UTP18: variants seen among roughly 807,000 people sequenced by gnomAD.
The protein encoded by UTP18 is UTP18 small subunit processome component, also known as U3 small nucleolar RNA-associated protein 18 homolog.
A neutral mutation model predicts 61.1 loss-of-function variants in UTP18; 36 were observed. That is an observed-to-expected ratio of 0.59 (90% CI 0.45 to 0.78). The LOEUF is 0.78. Ranked by LOEUF, UTP18 falls within the 30% of genes least tolerant of loss-of-function variation. UTP18 has a pLI of 0.00. For missense variants in UTP18, 753 were observed against 693.9 expected (o/e 1.09, Z -0.96); for synonymous variants, 282 against 251.1 (o/e 1.12, Z -1.16).
intron 1 of UTP18, among the ~76,000 whole-genome samples, chr17:51,262,133 G>C (rs1196050236): frequency 6.6e-6 from 1 of 151,698 alleles, no homozygotes; most frequent in Non-Finnish European, 1.5e-5. Flanking sequence ...CCAGGCTGGA[G>C]TGCAGTGGCG....
chr17:51,293,282 TTAA>T (rs1396646738), intron 11 of UTP18, among the ~76,000 whole-genome samples: 2 of 152,190 alleles, frequency 1.3e-5, no homozygotes, highest in Non-Finnish European at 2.9e-5. Flanking sequence ...TTCTGCTCAG[TTAA>T]TAACACATTA....
intron 11 of UTP18, 34 bp from the exon 12 acceptor site, chr17:51,293,869 G>C (rs12940196): frequency 0.45 from 656,153 of 1,469,484 alleles, 151,604 homozygotes; most frequent in East Asian, 0.6. Flanking sequence ...GCTCCCAGTT[G>C]TTACACTTTA....
intron 5 of UTP18, 47 bp from the exon 6 acceptor site, chr17:51,275,819 T>C: frequency 1.3e-6 from 2 of 1,515,024 alleles, no homozygotes; most frequent in South Asian, 1.3e-5. Flanking sequence ...AAGAAAATAA[T>C]GTTTATTCAT....
chr17:51,280,295 C>A, intron 8 of UTP18, 94 bp from the exon 9 acceptor site: 1 of 1,421,874 alleles, frequency 7.0e-7, no homozygotes, highest in Non-Finnish European at 9.6e-7. Flanking sequence ...TGAGTAGGTG[C>A]TAGAAAATAG....
At chr17:51,278,755 A>G (rs1278875502) in intron 7 of UTP18, among the ~76,000 whole-genome samples, 1 of 152,248 alleles carries the variant, frequency 6.6e-6, no homozygotes, top group Admixed American at 6.5e-5. Context: ...CTACTTCAGT[A>G]TACTTTAGTC....
intron 10 of UTP18, among the ~76,000 whole-genome samples, chr17:51,287,481 G>T (rs564435571): frequency 4.9e-4 from 75 of 152,300 alleles, no homozygotes; most frequent in African/African-American, 1.8e-3. Context: ...AGAAGATGGG[G>T]AGTGGGAGAG....
intron 3 of UTP18, among the ~76,000 whole-genome samples, chr17:51,268,262 G>A (rs1198398543): frequency 2.0e-5 from 3 of 152,066 alleles, no homozygotes; most frequent in Non-Finnish European, 4.4e-5. Context: ...TCCTGACCTC[G>A]TGATCCGCCC....
chr17:51,287,831 G>C (rs1255578174), intron 10 of UTP18, among the ~76,000 whole-genome samples, 198 bp from the exon 11 acceptor site: 1 of 152,154 alleles, frequency 6.6e-6, no homozygotes, highest in East Asian at 1.9e-4. Context: ...TCAACAGAAG[G>C]GGGAGAATTT....
At position 51,280,365 on chromosome 17, in the gene UTP18, GATAA is replaced by G. The variant is rs1305575540; in HGVS notation, c.1114-19_1114-16del. ...TCTTCTGTATACTTTCTAACAGTTT[GATAA>G]ATAATATTTATTGTTTTAGACCAAA... is the stretch of plus-strand genomic sequence containing the variant. On this transcript the variant is annotated intron_variant, in intron 8 of 13. Coordinates refer to ENST00000225298, the MANE Select transcript of UTP18 (RefSeq NM_016001.3). The G allele has an allele frequency of 6.2e-7, 1 of 1,605,628 alleles. No individual in the cohort carries two copies. Among genetic ancestry groups the G allele is most frequent in the Non-Finnish European group, 8.5e-7 (1 of 1,173,424 alleles).
At position 51,261,787 on chromosome 17, in the gene UTP18, A is replaced by C. The variant is rs149498436; in HGVS notation, c.342+861A>C. 4.7e-3 allele frequency among the ~76,000 whole-genome samples: 716 copies of C among 152,286 alleles called. 4 individuals carry two copies. Among genetic ancestry groups the C allele is most frequent in the South Asian group, 0.026 (127 of 4,802 alleles). On this transcript the variant is annotated intron_variant, in intron 1 of 13. Transcript: ENST00000225298. ...GAGGAAAGCTCACCGAGAATTACCC[A>C]GGCCATGTTTATTACACAAATGCTG...
At chr17:51,288,424 A>C (rs1041605254) in intron 11 of UTP18, 11 of 522,098 alleles carry the variant, frequency 2.1e-5, no homozygotes, top group African/African-American at 1.9e-4. Context: ...TTTGCTGTCC[A>C]TTCTCACCAT....
intron 3 of UTP18, among the ~76,000 whole-genome samples, chr17:51,266,770 C>G (rs2055565798): frequency 6.6e-6 from 1 of 152,146 alleles, no homozygotes; most frequent in Non-Finnish European, 1.5e-5. Flanking sequence ...ATTGTCATAC[C>G]TAAGAAAATT....
At chr17:51,288,942 T>G (rs1905179455) in intron 11 of UTP18, among the ~76,000 whole-genome samples, 1 of 152,218 alleles carries the variant, frequency 6.6e-6, no homozygotes, top group Admixed American at 6.5e-5. Flanking sequence ...GGAAGCTCAT[T>G]AGAGACTCAT....
intron 10 of UTP18, chr17:51,286,674 C>T (rs372559508): frequency 6.7e-5 from 28 of 419,644 alleles, no homozygotes; most frequent in Middle Eastern, 6.8e-4. Context: ...TACCCATACC[C>T]GTGCCAACCC....
intron 2 of UTP18, among the ~76,000 whole-genome samples, chr17:51,264,162 G>A (rs1166168096): frequency 1.3e-5 from 2 of 151,226 alleles, no homozygotes; most frequent in African/African-American, 4.9e-5. Context: ...TCAGCCTCCC[G>A]AGTAGCTGTG....
In UTP18 at chr17:51,263,293, C is replaced by T. The variant is rs752190078; in HGVS notation, c.362C>T (p.Ser121Leu). The change falls in exon 2 of 14, where the codon TCG (serine) becomes TTG (leucine). Residue 121 changes from serine to leucine, a missense_variant. By Grantham distance (145) the Ser-to-Leu change is moderately radical. Transcript: ENST00000225298. ...CTGTAGGTTCAAGAACATGAAGACT[C>T]GGGTGACTCAGAAGTGGAGAATGAA... is the stretch of plus-strand genomic sequence containing the variant. ...RGPRVQEHED[S>L]GDSEVENEAK... 9.3e-6 allele frequency: 15 copies of T among 1,613,980 alleles called. No individual in the cohort carries two copies. Among genetic ancestry groups the T allele is most frequent in the African/African-American group, 5.3e-5 (4 of 74,924 alleles).
intron 9 of UTP18, 79 bp from the exon 10 acceptor site, chr17:51,285,166 G>T: frequency 6.5e-7 from 1 of 1,527,892 alleles, no homozygotes; most frequent in Non-Finnish European, 9.0e-7. Context: ...ACTGTTAAGA[G>T]GGACTGAGAG....
At chr17:51,278,122 C>T (rs559004704) in intron 7 of UTP18, among the ~76,000 whole-genome samples, 1 of 152,318 alleles carries the variant, frequency 6.6e-6, no homozygotes, top group East Asian at 1.9e-4. Flanking sequence ...CATTTCCAAT[C>T]TTTTCTTTCC....
chr17:51,264,050 T>A (rs2055535250), intron 2 of UTP18, among the ~76,000 whole-genome samples: 1 of 152,006 alleles, frequency 6.6e-6, no homozygotes, highest in African/African-American at 2.4e-5. Context: ...TTAATTATTT[T>A]TTTTGAAACA....
Sources: gnomAD v4.1 joint callset for allele counts (sites outside exome capture counted in the v4.1 genomes callset) on GRCh38, gnomAD v4.1.1 for gene constraint, MANE v1.5 for transcripts, NCBI Gene and HGNC (gene_info 2026-07-23, HGNC 2026-07-21) for gene names.